Variants in LGSN observed in about 807,000 individuals in gnomAD.
LGSN encodes lengsin.
LGSN carries 21 observed loss-of-function variants against 19.5 expected under a neutral mutation model. That is an observed-to-expected ratio of 1.07 (90% CI 0.76 to 1.55). The LOEUF is 1.55. LGSN is among the 40% of genes most tolerant of loss of function. The pLI is 0.00. For synonymous variants in LGSN, 257 were observed against 215.6 expected, an observed-to-expected ratio of 1.19 and a Z score of -1.68; for missense variants, 673 against 608.5, an observed-to-expected ratio of 1.11 and a Z score of -1.12.
chr6:63,471,100 G>A, the LGSN span, among the ~76,000 whole-genome samples: 1 of 151,020 alleles, frequency 6.6e-6, no homozygotes, highest in Admixed American at 6.6e-5. Flanking sequence ...ACAGGCATGC[G>A]CCACCATACT....
At chr6:63,288,476 C>A (rs1033065651) in intron 2 of LGSN, among the ~76,000 whole-genome samples, 14 of 150,366 alleles carry the variant, frequency 9.3e-5, no homozygotes, top group Admixed American at 1.3e-4. Context: ...AAAAAAAAAA[C>A]CATAATCACC....
At chr6:63,331,594 C>A in the LGSN span, among the ~76,000 whole-genome samples, 3 of 152,132 alleles carry the variant, frequency 2.0e-5, no homozygotes, top group East Asian at 5.8e-4. Context: ...GGTCCCTGGA[C>A]CCTGCTGATC....
At chr6:63,512,256 T>G in the LGSN span, among the ~76,000 whole-genome samples, 1 of 152,244 alleles carries the variant, frequency 6.6e-6, no homozygotes, top group South Asian at 2.1e-4. Context: ...CTAGTTTTTG[T>G]ATTTTTATTA....
At chr6:63,536,481 C>T in the LGSN span, among the ~76,000 whole-genome samples, 1 of 152,086 alleles carries the variant, frequency 6.6e-6, no homozygotes, top group African/African-American at 2.4e-5. Context: ...AATTATATAA[C>T]AAGATTAGAT....
chr6:63,392,980 G>A, the LGSN span, among the ~76,000 whole-genome samples: 180 of 146,724 alleles, frequency 1.2e-3, no homozygotes, highest in Non-Finnish European at 2.2e-3. Flanking sequence ...TCCGCCTCCC[G>A]GGTTCACGCC....
At chr6:63,559,699 C>T in the LGSN span, among the ~76,000 whole-genome samples, 5 of 151,702 alleles carry the variant, frequency 3.3e-5, no homozygotes, top group Non-Finnish European at 5.9e-5. Flanking sequence ...GAGCCAAGAT[C>T]GCGCCACTGC....
At chr6:63,401,649 T>A in the LGSN span, among the ~76,000 whole-genome samples, 1 of 152,184 alleles carries the variant, frequency 6.6e-6, no homozygotes, top group Non-Finnish European at 1.5e-5. Context: ...TCAGTAGGAA[T>A]ACATGCCATG....
At chr6:63,464,462 T>C in the LGSN span, among the ~76,000 whole-genome samples, 1 of 151,390 alleles carries the variant, frequency 6.6e-6, no homozygotes, top group East Asian at 1.9e-4. Context: ...TTCTAAGCAT[T>C]GACAGTACAG....
the LGSN span, among the ~76,000 whole-genome samples, chr6:63,494,793 CA>C: frequency 6.6e-6 from 1 of 152,150 alleles, no homozygotes; most frequent in Non-Finnish European, 1.5e-5. Flanking sequence ...TGTATTTTCA[CA>C]GTCCGTAGAT....
chr6:63,563,874 A>T, the LGSN span, among the ~76,000 whole-genome samples: 2 of 152,234 alleles, frequency 1.3e-5, no homozygotes, highest in Non-Finnish European at 2.9e-5. Flanking sequence ...TGGGAATAGG[A>T]TGCCCTAATA....
At chr6:63,314,357 G>A (rs769800540) in intron 1 of LGSN, among the ~76,000 whole-genome samples, 9 of 152,278 alleles carry the variant, frequency 5.9e-5, no homozygotes, top group South Asian at 2.1e-4. Flanking sequence ...TGCTAGATCT[G>A]CCAGAGGCTT....
chr6:63,495,835 A>G, the LGSN span, among the ~76,000 whole-genome samples: 1 of 152,164 alleles, frequency 6.6e-6, no homozygotes, highest in Non-Finnish European at 1.5e-5. Context: ...GAAAAAATGC[A>G]TACTAATTCT....
chr6:63,362,884 G>A, the LGSN span, among the ~76,000 whole-genome samples: 109 of 152,332 alleles, frequency 7.2e-4, no homozygotes, highest in South Asian at 5.0e-3. Flanking sequence ...ATCTGAAAAC[G>A]GACAGACTGC....
chr6:63,406,240 C>A, the LGSN span, among the ~76,000 whole-genome samples: 2 of 152,152 alleles, frequency 1.3e-5, no homozygotes, highest in Non-Finnish European at 2.9e-5. Flanking sequence ...TTCAGCACCA[C>A]ACCACACCTA....
the LGSN span, among the ~76,000 whole-genome samples, chr6:63,374,947 A>C: frequency 6.6e-6 from 1 of 152,250 alleles, no homozygotes; most frequent in Admixed American, 6.5e-5. Context: ...AGAGAAAAAA[A>C]AAAGTTGCTG....
chr6:63,323,835 G>A (rs151224253), upstream of LGSN, among the ~76,000 whole-genome samples: 49 of 148,714 alleles, frequency 3.3e-4, no homozygotes, highest in South Asian at 3.0e-3. Flanking sequence ...GCAGTGGTGC[G>A]ATCTGGGCTC....
chr6:63,379,926 C>T, the LGSN span, among the ~76,000 whole-genome samples: 1 of 152,146 alleles, frequency 6.6e-6, no homozygotes, highest in South Asian at 2.1e-4. Flanking sequence ...CAACCTCTGC[C>T]TCCCGAGTTC....
intron 2 of LGSN, among the ~76,000 whole-genome samples, chr6:63,288,267 A>AAATAAATAAAT (rs1432386783): frequency 2.3e-5 from 3 of 130,248 alleles, no homozygotes; most frequent in East Asian, 2.0e-4. Context: ...ATAAATAAAT[A>AAATAAATAAAT]AATAATAATA....
Position 63,281,186 on chromosome 6 carries a change from C to A in LGSN, c.365G>T (p.Gly122Val). ...TGGATTTGGTATCACTTCAAGATAACCTCGGGGCATGCAAACACCATGGCT... is the reference window on the plus strand; with the variant it reads ...TGGATTTGGTATCACTTCAAGATAAACTCGGGGCATGCAAACACCATGGCT... ...KVSHGVCMPRGYLEVIPNPKD... is the reference protein window; with the variant it reads ...KVSHGVCMPRVYLEVIPNPKD... The change falls in exon 4 of 4, where the codon GGT becomes GTT. Residue 122 changes from glycine to valine, a missense_variant. Coordinates refer to ENST00000370657, the MANE Select transcript of LGSN (RefSeq NM_016571.3). The A allele has an allele frequency of 1.9e-6, 3 of 1,604,724 alleles. No individual in the cohort carries two copies. The highest frequency in any genetic ancestry group is 2.6e-6 in the Non-Finnish European group (3 of 1,175,398).
Sources: allele counts gnomAD v4.1 joint callset (sites outside exome capture counted in the v4.1 genomes callset), GRCh38; gene constraint gnomAD v4.1.1; transcripts MANE v1.5; gene names NCBI Gene and HGNC (gene_info 2026-07-23, HGNC 2026-07-21).